The following SPECC1 variants were observed in gnomAD, a reference collection of about 807,000 sequenced individuals.
The protein encoded by SPECC1 is sperm antigen with calponin homology and coiled-coil domains 1, also known as cytospin-B.
A neutral mutation model predicts 104.1 loss-of-function variants in SPECC1; 62 were observed. That is an observed-to-expected ratio of 0.60 (90% CI 0.49 to 0.74). The LOEUF (loss-of-function observed/expected upper bound fraction) is 0.74. Among genes scored for constraint, SPECC1 ranks in the 30% least tolerant of loss-of-function variants. The pLI, the probability that SPECC1 is intolerant of heterozygous loss-of-function variation, is 0.00. For missense variants in SPECC1, 1,306 were observed against 1,310.5 expected (o/e 1.00, Z 0.05); for synonymous variants, 513 against 501.6 (o/e 1.02, Z -0.30).
chr17:20,121,482 C>T (rs532321481), intron 3 of SPECC1, among the ~76,000 whole-genome samples: 37 of 152,230 alleles, frequency 2.4e-4, no homozygotes, highest in African/African-American at 8.9e-4. Flanking sequence ...AGCAATCCTC[C>T]TGCCCCAGCT....
chr17:20,122,413 G>A (rs1018599961), intron 3 of SPECC1, among the ~76,000 whole-genome samples: 5 of 152,170 alleles, frequency 3.3e-5, no homozygotes, highest in Admixed American at 6.5e-5. Context: ...CCATGGCACC[G>A]GGGAACAGCA....
intron 1 of SPECC1, among the ~76,000 whole-genome samples, chr17:20,032,292 T>C (rs1049445812): frequency 6.6e-6 from 1 of 152,198 alleles, no homozygotes; most frequent in South Asian, 2.1e-4. Flanking sequence ...AGTTTCTTGA[T>C]TGTATAGGTT....
At chr17:20,135,685 C>T (rs557076436) in intron 3 of SPECC1, among the ~76,000 whole-genome samples, 1 of 152,214 alleles carries the variant, frequency 6.6e-6, no homozygotes, top group South Asian at 2.1e-4. Flanking sequence ...CTCCTGGGCT[C>T]AAGTGATCCT....
At chr17:20,178,335 G>T (rs993903585) in intron 3 of SPECC1, among the ~76,000 whole-genome samples, 1 of 152,256 alleles carries the variant, frequency 6.6e-6, no homozygotes, top group Middle Eastern at 3.4e-3. Flanking sequence ...AGACCCCAGT[G>T]TGCCCTTTCA....
chr17:20,127,876 G>A (rs963442377), intron 3 of SPECC1, among the ~76,000 whole-genome samples: 3 of 152,032 alleles, frequency 2.0e-5, no homozygotes, highest in African/African-American at 7.2e-5. Context: ...GCAAGGAGAA[G>A]GGAACACTAG....
At chr17:20,272,929 T>C (rs1473383723) in intron 12 of SPECC1, among the ~76,000 whole-genome samples, 1 of 152,198 alleles carries the variant, frequency 6.6e-6, no homozygotes, top group African/African-American at 2.4e-5. Flanking sequence ...CTTTATTCCA[T>C]TGGTATCTTT....
intron 3 of SPECC1, among the ~76,000 whole-genome samples, chr17:20,137,003 C>A (rs1163939642): frequency 6.6e-6 from 1 of 152,194 alleles, no homozygotes; most frequent in African/African-American, 2.4e-5. Context: ...GATGTATATG[C>A]CTGAGGGAAG....
At chr17:20,156,669 A>G (rs545630620) in intron 3 of SPECC1, among the ~76,000 whole-genome samples, 2 of 152,130 alleles carry the variant, frequency 1.3e-5, no homozygotes, top group African/African-American at 4.8e-5. Flanking sequence ...CACTCACGCC[A>G]GGGCTGCCCC....
At chr17:20,262,958 T>C (rs1317060290) in intron 12 of SPECC1, among the ~76,000 whole-genome samples, 1 of 151,824 alleles carries the variant, frequency 6.6e-6, no homozygotes, top group Admixed American at 6.6e-5. Flanking sequence ...TGCAGTGAGC[T>C]GAGATAGCAC....
intron 3 of SPECC1, among the ~76,000 whole-genome samples, chr17:20,164,670 C>T (rs1484521227): frequency 6.6e-6 from 1 of 152,190 alleles, no homozygotes; most frequent in Admixed American, 6.5e-5. Flanking sequence ...CAACCTTCAT[C>T]TGAGGATAAT....
chr17:20,152,029 G>C (rs1327582842), intron 3 of SPECC1, among the ~76,000 whole-genome samples: 4 of 151,886 alleles, frequency 2.6e-5, no homozygotes, highest in African/African-American at 7.3e-5. Context: ...AGCTGGGCCT[G>C]GTGGCTCATG....
Position 20,318,148 on chromosome 17 carries a change from C to CT in SPECC1, c.*4090dup, listed in dbSNP as rs2042063797. On this transcript the variant is annotated 3_prime_UTR_variant, in exon 15 of 15. Coordinates refer to ENST00000395527, the MANE Select transcript of SPECC1 (RefSeq NM_001243439.2). ...AAATTCTTCAGTTGTTCTGAAGATC[C>CT]TTTTTTTAATGTATCATTTTTACAT... 1.7e-5 allele frequency: 4 copies of CT among 230,864 alleles called. No homozygotes were observed. The highest frequency in any genetic ancestry group is 3.4e-5 in the Non-Finnish European group (4 of 116,704). The allele number at this position is 230,864 out of a possible 1,614,324, so 14.3% of individuals were successfully genotyped here.
At chr17:20,193,393 G>T (rs914019536) in intron 3 of SPECC1, among the ~76,000 whole-genome samples, 4 of 152,212 alleles carry the variant, frequency 2.6e-5, no homozygotes, top group African/African-American at 9.7e-5. Context: ...AGATGGAGTT[G>T]TTCTGGTTCA....
intron 12 of SPECC1, among the ~76,000 whole-genome samples, chr17:20,285,273 T>A (rs920807393): frequency 6.6e-6 from 1 of 152,214 alleles, no homozygotes; most frequent in Non-Finnish European, 1.5e-5. Context: ...GTCTGCAACT[T>A]TAGTACAACC....
At chr17:20,056,789 T>C (rs1206886994) in intron 1 of SPECC1, among the ~76,000 whole-genome samples, 1 of 152,210 alleles carries the variant, frequency 6.6e-6, no homozygotes, top group East Asian at 1.9e-4. Context: ...GGGTAGAAGT[T>C]ATGTTTTATC....
intron 7 of SPECC1, among the ~76,000 whole-genome samples, chr17:20,235,413 A>G (rs1013157563): frequency 2.0e-5 from 3 of 152,186 alleles, no homozygotes; most frequent in Admixed American, 6.5e-5. Context: ...AAAACTACCA[A>G]TTGAGAAAAA....
intron 10 of SPECC1, 151 bp from the exon 11 acceptor site, chr17:20,257,300 A>G (rs2039866861): frequency 2.3e-6 from 2 of 852,674 alleles, no homozygotes; most frequent in Non-Finnish European, 3.5e-6. Flanking sequence ...TGTAGAATCC[A>G]CATCCCTATT....
In SPECC1 at chr17:20,238,923, C is replaced by T. The variant is rs148190603; in HGVS notation, c.2351+6518C>T. 61 of 1,040,920 alleles carry T rather than the reference C, an allele frequency of 5.9e-5. No homozygotes were observed. The East Asian group carries it at 3.3e-3, about 56-fold the overall frequency. 64.5% of individuals were successfully genotyped at this position (1,040,920 alleles called of 1,614,324 possible). ...GCTGCTTAGTTTTAATCACCAGCTA[C>T]GTTTCTGCAGGGCCTTTATGTCGTT... On this transcript the variant is annotated intron_variant, in intron 7 of 14. Transcript: ENST00000395527.
chr17:20,172,486 A>G (rs1284747782), intron 3 of SPECC1, among the ~76,000 whole-genome samples: 1 of 152,176 alleles, frequency 6.6e-6, no homozygotes, highest in African/African-American at 2.4e-5. Context: ...TCAGGGGGCA[A>G]GTCTCCTGGT....
Sources: allele counts gnomAD v4.1 joint callset (sites outside exome capture counted in the v4.1 genomes callset), GRCh38; gene constraint gnomAD v4.1.1; transcripts MANE v1.5; gene names NCBI Gene and HGNC (gene_info 2026-07-23, HGNC 2026-07-21).